The following FNDC1 variants were observed in gnomAD, a reference collection of about 807,000 sequenced individuals.
FNDC1 encodes the protein fibronectin type III domain containing 1.
A neutral mutation model predicts 168.0 loss-of-function variants in FNDC1; 96 were observed. The observed-to-expected ratio is 0.57, with a 90% CI of 0.48 to 0.68. The LOEUF (loss-of-function observed/expected upper bound fraction) is 0.68. FNDC1 is among the 30% of genes least tolerant of loss of function. The probability of loss-of-function intolerance (pLI) is 0.00; values close to 1 mark genes in which losing one functional copy is unlikely to be tolerated. For synonymous variants in FNDC1, 1,099 were observed against 1,025.9 expected, an observed-to-expected ratio of 1.07 and a Z score of -1.36; for missense variants, 2,587 against 2,482.1, an observed-to-expected ratio of 1.04 and a Z score of -0.90.
intron 5 of FNDC1, among the ~76,000 whole-genome samples, chr6:159,221,259 G>A (rs1224523016): frequency 2.6e-5 from 4 of 152,136 alleles, no homozygotes; most frequent in African/African-American, 2.4e-5. Flanking sequence ...GTGGGTAAAC[G>A]TGTTATTCTT....
Position 159,266,064 on chromosome 6 carries a change from G to T in FNDC1, c.5285-20G>T, listed in dbSNP as rs202004919. ...ACTGTGGAGTGCTTACCCTTAGCAG[G>T]TGTGTTTTGTGTTGTCAAGGCGGTG... On this transcript the variant is annotated intron_variant, in intron 20 of 22. Coordinates refer to ENST00000297267, the MANE Select transcript of FNDC1 (RefSeq NM_032532.3). 4.7e-5 allele frequency: 75 copies of T among 1,612,482 alleles called. No individual in the cohort carries two copies. Among genetic ancestry groups the T allele is most frequent in the Non-Finnish European group, 6.1e-5 (72 of 1,179,152 alleles).
At chr6:159,216,845 C>T (rs903559518) in intron 5 of FNDC1, among the ~76,000 whole-genome samples, 1 of 152,226 alleles carries the variant, frequency 6.6e-6, no homozygotes, top group Non-Finnish European at 1.5e-5. Context: ...GTTCAGTACT[C>T]AAGCAAGGAA....
intron 11 of FNDC1, 97 bp downstream of exon 11, chr6:159,234,576 A>G (rs747396092): frequency 9.1e-7 from 1 of 1,094,910 alleles, no homozygotes; most frequent in Non-Finnish European, 1.3e-6. Flanking sequence ...AGCACCTACT[A>G]TGTCCACGCA....
intron 17 of FNDC1, among the ~76,000 whole-genome samples, chr6:159,256,044 C>A (rs1038786786): frequency 6.6e-6 from 1 of 152,228 alleles, no homozygotes; most frequent in African/African-American, 2.4e-5. Context: ...ACAGCCTTCA[C>A]CAAGTGGGCA....
At position 159,214,931 on chromosome 6, in the gene FNDC1, C is replaced by T; in HGVS notation, c.461-14C>T. On this transcript the variant is annotated splice_polypyrimidine_tract_variant and intron_variant, in intron 4 of 22. Coordinates refer to ENST00000297267, the MANE Select transcript of FNDC1 (RefSeq NM_032532.3). ...TCTACTGTCTAACCACTTTTGTGTC[C>T]TGCCCTCTTTAAGAAAAGGAAGTGC... 1 of 1,613,038 alleles carries T rather than the reference C, an allele frequency of 6.2e-7. No homozygotes were observed.
intron 22 of FNDC1, among the ~76,000 whole-genome samples, chr6:159,269,846 GCCCA>G (rs761863710): frequency 1.3e-5 from 2 of 152,054 alleles, no homozygotes; most frequent in Non-Finnish European, 2.9e-5. Flanking sequence ...ATTGGACAAG[GCCCA>G]CCCACAATAT....
At chr6:159,171,213 C>T (rs1329364085) in intron 1 of FNDC1, among the ~76,000 whole-genome samples, 1 of 152,160 alleles carries the variant, frequency 6.6e-6, no homozygotes, top group African/African-American at 2.4e-5. Context: ...GACAGCTTCC[C>T]AGCCCTTCTC....
intron 4 of FNDC1, among the ~76,000 whole-genome samples, chr6:159,203,928 G>C (rs1782428252): frequency 1.3e-5 from 2 of 152,156 alleles, no homozygotes; most frequent in Admixed American, 1.3e-4. Flanking sequence ...GTTAAGTATA[G>C]TTCTGAATAT....
chr6:159,252,541 C>T (rs765918531), intron 17 of FNDC1, among the ~76,000 whole-genome samples: 1 of 152,064 alleles, frequency 6.6e-6, no homozygotes, highest in African/African-American at 2.4e-5. Flanking sequence ...GACTGAAGGG[C>T]GTGGGATGCA....
chr6:159,190,569 C>A (rs959331220), intron 1 of FNDC1, among the ~76,000 whole-genome samples: 1 of 152,220 alleles, frequency 6.6e-6, no homozygotes, highest in Non-Finnish European at 1.5e-5. Context: ...TCTGGGTCTT[C>A]CAGTGGTCCA....
At position 159,271,447 on chromosome 6, in the gene FNDC1, A is replaced by G. The variant is rs1777747118; in HGVS notation, c.*5A>G. The stretch of plus-strand genomic sequence containing the variant: ...TCCATCCCTGGAAAGTGGTAATCAC[A>G]GGACCGTCATGCTGCAAGCTTGCCC... On this transcript the variant is annotated 3_prime_UTR_variant, in exon 23 of 23. Transcript: ENST00000297267. 1 of 1,596,848 alleles carries G rather than the reference A, an allele frequency of 6.3e-7. No homozygotes were observed. The highest frequency in any genetic ancestry group is 1.3e-5 in the African/African-American group (1 of 74,674).
chr6:159,213,924 G>A (rs1414303154), intron 4 of FNDC1, among the ~76,000 whole-genome samples: 2 of 152,172 alleles, frequency 1.3e-5, no homozygotes, highest in Non-Finnish European at 2.9e-5. Context: ...TGATTTATGT[G>A]TTCTTGAAGG....
At chr6:159,239,289 C>T (rs962212370) in intron 13 of FNDC1, among the ~76,000 whole-genome samples, 1 of 152,172 alleles carries the variant, frequency 6.6e-6, no homozygotes, top group Non-Finnish European at 1.5e-5. Flanking sequence ...TAACACTTTT[C>T]CCCCTTAGGC....
chr6:159,223,658 A>G lies in FNDC1; in HGVS notation c.884+13A>G. 2 of 1,539,510 alleles carry G rather than the reference A, an allele frequency of 1.3e-6. No homozygotes were observed. The highest frequency in any genetic ancestry group is 1.8e-6 in the Non-Finnish European group (2 of 1,114,266). ...TTGTTGCATCAAGGTACTTTTGCTT[A>G]TTTATTTGTCTTTATATATGAGAGA... On this transcript the variant is annotated intron_variant, in intron 7 of 22. Coordinates refer to ENST00000297267, the MANE Select transcript of FNDC1 (RefSeq NM_032532.3).
chr6:159,223,275 C>A (rs1024697620), intron 6 of FNDC1, among the ~76,000 whole-genome samples: 1 of 152,266 alleles, frequency 6.6e-6, no homozygotes, highest in East Asian at 1.9e-4. Flanking sequence ...GGATTACAGG[C>A]GTGAACCACC....
At chr6:159,235,107 T>C (rs952190270) in intron 11 of FNDC1, among the ~76,000 whole-genome samples, 3 of 152,240 alleles carry the variant, frequency 2.0e-5, no homozygotes, top group African/African-American at 4.8e-5. Flanking sequence ...AGAAAATGTA[T>C]GTTAAAGATC....
chr6:159,192,359 C>T (rs987467289), intron 1 of FNDC1, among the ~76,000 whole-genome samples: 1 of 152,206 alleles, frequency 6.6e-6, no homozygotes, highest in African/African-American at 2.4e-5. Context: ...TTTCAAATCA[C>T]AGTTTTCTCA....
At chr6:159,268,397 G>T (rs768789721) in intron 22 of FNDC1, among the ~76,000 whole-genome samples, 4 of 152,290 alleles carry the variant, frequency 2.6e-5, no homozygotes, top group Middle Eastern at 6.8e-3. Flanking sequence ...GACATGAGAT[G>T]TTCTGATTTG....
chr6:159,208,545 G>T (rs1782532584), intron 4 of FNDC1, among the ~76,000 whole-genome samples: 1 of 152,212 alleles, frequency 6.6e-6, no homozygotes, highest in African/African-American at 2.4e-5. Flanking sequence ...CCACCGTCTT[G>T]GCATTCGGCA....
Sources: gnomAD v4.1 joint callset for allele counts (sites outside exome capture counted in the v4.1 genomes callset) on GRCh38, gnomAD v4.1.1 for gene constraint, MANE v1.5 for transcripts, NCBI Gene and HGNC (gene_info 2026-07-23, HGNC 2026-07-21) for gene names.